Variants in PRCP observed in about 807,000 individuals in gnomAD.
PRCP encodes lysosomal Pro-X carboxypeptidase.
In PRCP, 46 loss-of-function variants were observed where a neutral mutation model predicts 54.2. The ratio of observed to expected loss-of-function variants is 0.85; its 90% CI spans 0.67 to 1.09. The LOEUF (loss-of-function observed/expected upper bound fraction) is 1.09. PRCP is among the 50% of genes least tolerant of loss of function. PRCP has a pLI of 0.00. For synonymous variants in PRCP, 240 were observed against 212.2 expected, an observed-to-expected ratio of 1.13 and a Z score of -1.14; for missense variants, 613 against 596.8, an observed-to-expected ratio of 1.03 and a Z score of -0.28.
At chr11:82,880,346 C>A (rs1649445762) in intron 1 of PRCP, among the ~76,000 whole-genome samples, 1 of 152,218 alleles carries the variant, frequency 6.6e-6, no homozygotes, top group Non-Finnish European at 1.5e-5. Flanking sequence ...GAGCCAGGCA[C>A]AGGATATAAT....
chr11:82,837,123 C>G (rs918851061), intron 8 of PRCP: 1 of 220,174 alleles, frequency 4.5e-6, no homozygotes, highest in Non-Finnish European at 9.7e-6. Flanking sequence ...GCATCCGACT[C>G]TATTTCTTAC....
intron 1 of PRCP, among the ~76,000 whole-genome samples, chr11:82,877,818 G>T (rs531313292): frequency 2.6e-5 from 4 of 152,320 alleles, no homozygotes; most frequent in African/African-American, 9.6e-5. Context: ...CTCTACTGGG[G>T]CAATGCCTAG....
At chr11:82,861,957 T>G (rs1270286633) in intron 1 of PRCP, among the ~76,000 whole-genome samples, 1 of 152,110 alleles carries the variant, frequency 6.6e-6, no homozygotes, top group East Asian at 1.9e-4. Flanking sequence ...ATGCTCCAAA[T>G]CTGAAACTTT....
At chr11:82,857,009 T>G (rs1591053261) in intron 2 of PRCP, among the ~76,000 whole-genome samples, 1 of 122,746 alleles carries the variant, frequency 8.1e-6, no homozygotes, top group Non-Finnish European at 1.6e-5. Flanking sequence ...CACTCCAGCC[T>G]GGGCGACAGA....
intron 1 of PRCP, among the ~76,000 whole-genome samples, chr11:82,866,098 T>C (rs957268461): frequency 2.0e-5 from 3 of 152,214 alleles, no homozygotes; most frequent in Non-Finnish European, 4.4e-5. Flanking sequence ...TTCTTTATTA[T>C]GTCAAGGCCT....
intron 1 of PRCP, 29 bp downstream of exon 1, chr11:82,900,205 TG>T: frequency 1.9e-6 from 3 of 1,612,050 alleles, no homozygotes; most frequent in Non-Finnish European, 2.5e-6. Context: ...CGGTTGGGCC[TG>T]GGACGGCGAA....
rs1005115331 is a variant in PRCP at position 82,862,113 on chromosome 11, A to T, written c.169-1996T>A. ...TCCAAAAAAAAATCCAAAATCTGAA[A>T]TGCTTCTGGTCCTAAGCATTTCAGA... On this transcript the variant is annotated intron_variant, in intron 1 of 8. Coordinates refer to ENST00000313010, the MANE Select transcript of PRCP (RefSeq NM_005040.4). Among the ~76,000 whole-genome samples, 6 of 152,146 alleles carry T rather than the reference A, an allele frequency of 3.9e-5. No homozygotes were observed. The East Asian group carries it at 1.2e-3, about 29-fold the overall frequency.
At chr11:82,844,535 G>A (rs1359006058) in intron 6 of PRCP, among the ~76,000 whole-genome samples, 5 of 151,886 alleles carry the variant, frequency 3.3e-5, no homozygotes, top group Non-Finnish European at 5.9e-5. Flanking sequence ...TCAGGAGTTC[G>A]AAACCAGCCT....
intron 1 of PRCP, 22 bp downstream of exon 1, chr11:82,900,213 C>G: frequency 6.2e-7 from 1 of 1,612,622 alleles, no homozygotes; most frequent in Non-Finnish European, 8.5e-7. Context: ...CCTGGGACGG[C>G]GAAGCCCCCG....
intron 2 of PRCP, among the ~76,000 whole-genome samples, chr11:82,855,219 G>C (rs1859056358): frequency 6.6e-6 from 1 of 152,170 alleles, no homozygotes; most frequent in Admixed American, 6.5e-5. Flanking sequence ...CACAGCAAAA[G>C]AAACTATCAA....
intron 1 of PRCP, among the ~76,000 whole-genome samples, chr11:82,880,363 G>A (rs1321284488): frequency 6.6e-6 from 1 of 152,246 alleles, no homozygotes; most frequent in Admixed American, 6.5e-5. Context: ...TAATCTCCTG[G>A]TGTGCCATTT....
chr11:82,824,539 A>C lies in PRCP; in HGVS notation c.*367T>G, dbSNP rs1217273139. 4.3e-6 allele frequency: 1 copy of C among 234,972 alleles called. No homozygotes were observed. Among genetic ancestry groups the C allele is most frequent in the Non-Finnish European group, 8.4e-6 (1 of 119,224 alleles). The allele number at this position is 234,972 out of a possible 1,614,324, so 14.6% of individuals were successfully genotyped here. A position where few individuals can be genotyped will look rare whatever the true frequency, so the allele number is the denominator to read the frequency against. On this transcript the variant is annotated 3_prime_UTR_variant, in exon 9 of 9. Coordinates refer to ENST00000313010, the MANE Select transcript of PRCP (RefSeq NM_005040.4). ...GTGTAGGGTAGGGATGGGGACTTAC[A>C]AATGGGCCAAAGACACTTCAACCTC...
chr11:82,865,526 T>C (rs1473907317), intron 1 of PRCP, among the ~76,000 whole-genome samples: 2 of 152,122 alleles, frequency 1.3e-5, no homozygotes, highest in East Asian at 3.9e-4. Context: ...TTTTAGAAAA[T>C]TCAGTATGCA....
At chr11:82,884,855 T>A (rs1859829902) in intron 1 of PRCP, 38 of 1,613,696 alleles carry the variant, frequency 2.4e-5, no homozygotes, top group Non-Finnish European at 3.1e-5. Context: ...AGTTGGATAA[T>A]ACATATGTGC....
intron 1 of PRCP, among the ~76,000 whole-genome samples, chr11:82,875,503 G>A (rs2121222659): frequency 6.6e-6 from 1 of 152,294 alleles, no homozygotes. Flanking sequence ...TAGAAAAGCT[G>A]TAAACACATA....
At chr11:82,873,785 G>T (rs1345574723) in intron 1 of PRCP, among the ~76,000 whole-genome samples, 1 of 152,206 alleles carries the variant, frequency 6.6e-6, no homozygotes, top group East Asian at 1.9e-4. Context: ...TTCAGAGACT[G>T]CTTTAAAATA....
chr11:82,839,580 C>T lies in PRCP; in HGVS notation c.922-155G>A, dbSNP rs190178752. The stretch of plus-strand genomic sequence containing the variant: ...TAATTTCTCTCTTGGGTTTAATCCC[C>T]TCCATAAATGAATAAACCTCTTCAA... On this transcript the variant is annotated intron_variant, in intron 6 of 8. Transcript: ENST00000313010. 8.4e-5 allele frequency: 66 copies of T among 785,026 alleles called. 1 individual carries two copies. In the East Asian group the frequency reaches 1.7e-3, roughly 21 times the overall value. 48.6% of individuals were successfully genotyped at this position (785,026 alleles called of 1,614,324 possible).
chr11:82,836,676 G>C (rs1031584170), intron 8 of PRCP, among the ~76,000 whole-genome samples: 25 of 152,096 alleles, frequency 1.6e-4, no homozygotes, highest in Non-Finnish European at 1.2e-4. Flanking sequence ...AGCCTCCTGA[G>C]TAGCTGAGAC....
chr11:82,870,702 C>T (rs938069180), intron 1 of PRCP, among the ~76,000 whole-genome samples: 1 of 152,188 alleles, frequency 6.6e-6, no homozygotes, highest in Non-Finnish European at 1.5e-5. Context: ...CTCCATAAAG[C>T]TCCTGAGGTT....
Sources: allele counts gnomAD v4.1 joint callset (sites outside exome capture counted in the v4.1 genomes callset), GRCh38; gene constraint gnomAD v4.1.1; transcripts MANE v1.5; gene names NCBI Gene and HGNC (gene_info 2026-07-23, HGNC 2026-07-21).